CDH2: variants seen among roughly 807,000 people sequenced by gnomAD.
CDH2 encodes cadherin 2, also known as cadherin-2.
A neutral mutation model predicts 92.0 loss-of-function variants in CDH2; 17 were observed. That is an observed-to-expected ratio of 0.18 (90% confidence interval 0.13 to 0.28). CDH2 has a LOEUF of 0.28. Among genes scored for constraint, CDH2 ranks in the 10% least tolerant of loss-of-function variants. The probability of loss-of-function intolerance (pLI) is 1.00; values close to 1 mark genes in which losing one functional copy is unlikely to be tolerated. For synonymous variants in CDH2, 419 were observed against 415.9 expected, an observed-to-expected ratio of 1.01 and a Z score of -0.09; for missense variants, 862 against 1,133.1, an observed-to-expected ratio of 0.76 and a Z score of 3.44.
At chr18:27,977,693 G>A (rs2011894467) in intron 14 of CDH2, among the ~76,000 whole-genome samples, 2 of 152,152 alleles carry the variant, frequency 1.3e-5, no homozygotes, top group South Asian at 4.1e-4. Flanking sequence ...TGATCTCTGA[G>A]ATCTACACAA....
At chr18:28,086,326 G>C (rs1359590836) in intron 2 of CDH2, among the ~76,000 whole-genome samples, 1 of 151,984 alleles carries the variant, frequency 6.6e-6, no homozygotes, top group Non-Finnish European at 1.5e-5. Flanking sequence ...TTATTGTTAT[G>C]CTTAAACATT....
At chr18:27,953,159 C>G (rs1430835461) in intron 15 of CDH2, among the ~76,000 whole-genome samples, 1 of 152,062 alleles carries the variant, frequency 6.6e-6, no homozygotes, top group Non-Finnish European at 1.5e-5. Flanking sequence ...AATATCTGTA[C>G]ACGGTATAAA....
intron 2 of CDH2, among the ~76,000 whole-genome samples, chr18:28,039,681 T>C (rs2013910883): frequency 6.6e-6 from 1 of 152,198 alleles, no homozygotes; most frequent in Non-Finnish European, 1.5e-5. Flanking sequence ...TTTCACAGTC[T>C]GTATCGTGTG....
chr18:28,086,505 TACTCGGGAAAAGAG>T (rs1442286260), intron 2 of CDH2, among the ~76,000 whole-genome samples: 2 of 152,092 alleles, frequency 1.3e-5, no homozygotes, highest in Non-Finnish European at 2.9e-5. Flanking sequence ...CTTCAGAGTG[TACTCGGGAAAAGAG>T]ACTATTTCCT....
intron 1 of CDH2, among the ~76,000 whole-genome samples, chr18:28,150,007 T>C (rs2016096736): frequency 6.6e-6 from 1 of 152,226 alleles, no homozygotes; most frequent in African/African-American, 2.4e-5. Flanking sequence ...CCAGGTACTG[T>C]CCATGCCTGG....
At chr18:27,968,630 T>A (rs1005301547) in intron 14 of CDH2, among the ~76,000 whole-genome samples, 3 of 152,230 alleles carry the variant, frequency 2.0e-5, no homozygotes. Flanking sequence ...CAGCCTCCAC[T>A]GGTTAGAACC....
At chr18:28,094,517 A>T (rs992019074) in intron 2 of CDH2, among the ~76,000 whole-genome samples, 1 of 151,586 alleles carries the variant, frequency 6.6e-6, no homozygotes, top group African/African-American at 2.4e-5. Flanking sequence ...AAAAAAAGCC[A>T]GGTGCGGTGG....
intron 2 of CDH2, among the ~76,000 whole-genome samples, chr18:28,117,601 G>C (rs1598487197): frequency 6.6e-6 from 1 of 152,128 alleles, no homozygotes; most frequent in Non-Finnish European, 1.5e-5. Context: ...AAAGGAAGAT[G>C]AATTATACAG....
At chr18:28,149,931 A>G (rs967110956) in intron 1 of CDH2, among the ~76,000 whole-genome samples, 1 of 152,214 alleles carries the variant, frequency 6.6e-6, no homozygotes, top group African/African-American at 2.4e-5. Flanking sequence ...ATAAGAAGTG[A>G]GGCTTCCAAC....
At chr18:28,125,439 C>T (rs2015661122) in intron 2 of CDH2, among the ~76,000 whole-genome samples, 2 of 151,702 alleles carry the variant, frequency 1.3e-5, no homozygotes, top group African/African-American at 2.4e-5. Context: ...TTTCAAAATT[C>T]ACTTTCTTTT....
intron 2 of CDH2, among the ~76,000 whole-genome samples, chr18:28,131,423 A>T (rs2015767859): frequency 6.6e-6 from 1 of 152,180 alleles, no homozygotes; most frequent in Non-Finnish European, 1.5e-5. Context: ...GTTTTAATTG[A>T]CACCACCTTC....
chr18:28,160,069 G>C (rs894604940), intron 1 of CDH2, among the ~76,000 whole-genome samples: 4 of 152,046 alleles, frequency 2.6e-5, no homozygotes, highest in African/African-American at 9.7e-5. Context: ...CTAAACCACA[G>C]AGTATTTTGA....
chr18:27,991,632 A>G (rs1362843693), intron 9 of CDH2, among the ~76,000 whole-genome samples: 1 of 152,222 alleles, frequency 6.6e-6, no homozygotes, highest in Non-Finnish European at 1.5e-5. Flanking sequence ...TAAGAAACCT[A>G]GAATTTACAG....
chr18:28,080,525 A>AACTT lies in CDH2; in HGVS notation c.173-66617_173-66616insAAGT, dbSNP rs1387915598. On this transcript the variant is annotated intron_variant, in intron 2 of 15. Transcript: ENST00000269141. ...ATTAACAAAGCATAAGACAACAGAA[A>AACTT]AAGAAATACTTAAAAAAACCTGGAA... is the stretch of plus-strand genomic sequence containing the variant. Among the ~76,000 whole-genome samples the AACTT allele has an allele frequency of 2.0e-5, 3 of 152,290 alleles. No homozygotes were observed. The East Asian group carries it at 5.8e-4, about 29-fold the overall frequency.
chr18:28,077,890 C>CAAAAA (rs71171659), intron 2 of CDH2, among the ~76,000 whole-genome samples: 2 of 67,314 alleles, frequency 3.0e-5, no homozygotes, highest in African/African-American at 5.9e-5. Context: ...GACCCTGTCT[C>CAAAAA]AAAAAAAAAA....
At chr18:27,974,893 G>T (rs2143923735) in intron 14 of CDH2, among the ~76,000 whole-genome samples, 1 of 152,260 alleles carries the variant, frequency 6.6e-6, no homozygotes, top group South Asian at 2.1e-4. Flanking sequence ...AAATAAATTT[G>T]TCTTGTTTAT....
chr18:28,171,716 T>C (rs527369135), intron 1 of CDH2, among the ~76,000 whole-genome samples: 28 of 152,096 alleles, frequency 1.8e-4, no homozygotes, highest in African/African-American at 6.3e-4. Context: ...AGGAGATGTG[T>C]TTGAGATATT....
chr18:28,015,853 C>T (rs1316983938), intron 2 of CDH2, among the ~76,000 whole-genome samples: 1 of 152,188 alleles, frequency 6.6e-6, no homozygotes, highest in East Asian at 1.9e-4. Flanking sequence ...AGATCTTTAA[C>T]CTAGAGTACA....
chr18:28,176,295 C>T (rs1332265181), intron 1 of CDH2, among the ~76,000 whole-genome samples: 2 of 152,166 alleles, frequency 1.3e-5, no homozygotes, highest in Non-Finnish European at 2.9e-5. Context: ...AGAGGCCAGA[C>T]TCGTTCTACA....
Sources: gnomAD v4.1 joint callset for allele counts (sites outside exome capture counted in the v4.1 genomes callset) on GRCh38, gnomAD v4.1.1 for gene constraint, MANE v1.5 for transcripts, NCBI Gene and HGNC (gene_info 2026-07-23, HGNC 2026-07-21) for gene names.